The following TPO variants were observed in gnomAD, a reference collection of about 807,000 sequenced individuals.
The protein encoded by TPO is thyroid microsomal antigen.
Under a neutral mutation model 96.9 loss-of-function variants are expected in TPO, and 78 were observed. The observed-to-expected ratio is 0.81, with a 90% CI of 0.67 to 0.97. The LOEUF is 0.97. Ranked by LOEUF, TPO falls within the 50% of genes least tolerant of loss-of-function variation. TPO has a pLI of 0.00. For missense variants in TPO, 1,252 were observed against 1,274.8 expected, an observed-to-expected ratio of 0.98 and a Z score of 0.27; for synonymous variants, 547 against 538.0, an observed-to-expected ratio of 1.02 and a Z score of -0.23.
chr2:1,399,808 T>A (rs1280973784), intron 1 of TPO, among the ~76,000 whole-genome samples: 7 of 152,218 alleles, frequency 4.6e-5, no homozygotes, highest in African/African-American at 1.7e-4. Flanking sequence ...CACTCACACC[T>A]CTCTAGGAGC....
At chr2:1,528,036 ACCT>A (rs1421143781) in intron 15 of TPO, among the ~76,000 whole-genome samples, 1 of 139,544 alleles carries the variant, frequency 7.2e-6, no homozygotes, top group Non-Finnish European at 1.5e-5. Context: ...ACTATGTGCA[ACCT>A]CCTCAAATCT....
upstream of TPO, among the ~76,000 whole-genome samples, chr2:1,409,984 G>A (rs970786884): frequency 8.6e-5 from 13 of 151,190 alleles, no homozygotes; most frequent in African/African-American, 1.5e-4. Flanking sequence ...TGGTGCCATG[G>A]GGGGGACAGG....
Position 1,477,331 on chromosome 2 carries a change from C to G in TPO, c.1065C>G (p.Arg355=). The G allele has an allele frequency of 6.4e-7, 1 of 1,562,428 alleles. No individual in the cohort carries two copies. Among genetic ancestry groups the G allele is most frequent in the African/African-American group, 1.4e-5 (1 of 74,030 alleles). ...AAGGGCTGCTCCGCGTCCACGCGCG[C>G]CTCCGGGACTCCGGCCGCGCCTACC... The part of the protein sequence containing the change: ...SAEGLLRVHA[R]LRDSGRAYLP... The change falls in exon 8 of 17, where the codon CGC becomes CGG. Residue 355 remains arginine (R), a synonymous_variant. Coordinates refer to ENST00000329066, the MANE Select transcript of TPO (RefSeq NM_001206744.2).
intron 2 of TPO, among the ~76,000 whole-genome samples, chr2:1,415,551 G>A (rs1027173696): frequency 1.3e-5 from 2 of 149,066 alleles, no homozygotes; most frequent in African/African-American, 5.0e-5. Flanking sequence ...TTGCCGGGCA[G>A]GTCCCTGGGT....
chr2:1,526,320 A>C (rs1362276983), intron 15 of TPO, among the ~76,000 whole-genome samples: 3 of 70,020 alleles, frequency 4.3e-5, no homozygotes, highest in African/African-American at 6.1e-5. Flanking sequence ...CTGTGAGCAA[A>C]ACCACAAATC....
chr2:1,527,427 GCCACTGTGAGCAACCTCCTCAAATACC>G (rs957594033), intron 15 of TPO, among the ~76,000 whole-genome samples: 1 of 29,822 alleles, frequency 3.4e-5, no homozygotes, highest in African/African-American at 1.5e-4. Flanking sequence ...CAAATCCTCC[GCCACTGTGAGCAACCTCCTCAAATACC>G]CCACTGTGTG....
At chr2:1,539,783 C>T (rs1275850008) in intron 15 of TPO, among the ~76,000 whole-genome samples, 1 of 150,016 alleles carries the variant, frequency 6.7e-6, no homozygotes, top group Non-Finnish European at 1.5e-5. Context: ...GCGGGGAATG[C>T]TCAGGACCGG....
chr2:1,438,229 G>A (rs1665786402), intron 5 of TPO, among the ~76,000 whole-genome samples: 1 of 152,094 alleles, frequency 6.6e-6, no homozygotes, highest in Non-Finnish European at 1.5e-5. Flanking sequence ...GCTGCTCTCT[G>A]AATGGGTTTC....
intron 1 of TPO, among the ~76,000 whole-genome samples, chr2:1,383,822 C>T (rs1661847520): frequency 1.3e-5 from 2 of 152,106 alleles, no homozygotes; most frequent in Non-Finnish European, 1.5e-5. Context: ...AATGGTATTG[C>T]CTAGGTTTTC....
At chr2:1,493,739 T>G (rs1672039641) in intron 10 of TPO, 63 bp from the exon 11 acceptor site, 7 of 1,589,618 alleles carry the variant, frequency 4.4e-6, no homozygotes, top group Non-Finnish European at 6.0e-6. Context: ...ATGGCATGAG[T>G]GAGATGGGCT....
At chr2:1,529,860 A>G (rs1677640611) in intron 15 of TPO, among the ~76,000 whole-genome samples, 1 of 115,426 alleles carries the variant, frequency 8.7e-6, no homozygotes, top group Non-Finnish European at 1.7e-5. Context: ...ACCTCCCAAA[A>G]TTGCCCCCAC....
At chr2:1,480,776 G>GTCCACACCACCTTCCTCCTCCTT (rs1670518076) in intron 8 of TPO, among the ~76,000 whole-genome samples, 4 of 96,928 alleles carry the variant, frequency 4.1e-5, no homozygotes, top group African/African-American at 6.7e-5. Flanking sequence ...CCCTCCTCCT[G>GTCCACACCACCTTCCTCCTCCTT]CATCCGTCCA....
At chr2:1,542,089 G>A (rs1680826927) in intron 16 of TPO, 2 of 418,680 alleles carry the variant, frequency 4.8e-6, no homozygotes, top group East Asian at 9.1e-5. Context: ...GACACCAGGG[G>A]CAAGGCCAGG....
At chr2:1,399,447 C>T (rs940886377) in intron 1 of TPO, among the ~76,000 whole-genome samples, 1 of 152,182 alleles carries the variant, frequency 6.6e-6, no homozygotes, top group African/African-American at 2.4e-5. Flanking sequence ...CACATACCCA[C>T]GGTGAAGCTT....
At chr2:1,537,614 A>G (rs1680112706) in intron 15 of TPO, among the ~76,000 whole-genome samples, 1 of 93,890 alleles carries the variant, frequency 1.1e-5, no homozygotes, top group African/African-American at 4.5e-5. Flanking sequence ...AACTCCTCAA[A>G]TCACCCCGCT....
At position 1,478,446 on chromosome 2, in the gene TPO, T is replaced by C. The variant is rs184545594; in HGVS notation, c.1338+842T>C. 3.7e-4 allele frequency: 357 copies of C among 972,336 alleles called. 1 individual carries two copies. The African/African-American group carries it at 5.4e-3, about 15-fold the overall frequency. 60.2% of individuals were successfully genotyped at this position (972,336 alleles called of 1,614,324 possible). A position where few individuals can be genotyped will look rare whatever the true frequency, so the allele number is the denominator to read the frequency against. ...CTGTTCTAAAGGAGGCACTGGAGCC[T>C]TGTCCGAGGAGGCACAGGGGCTGTG... On this transcript the variant is annotated intron_variant, in intron 8 of 16. Coordinates refer to ENST00000329066, the MANE Select transcript of TPO (RefSeq NM_001206744.2).
chr2:1,429,045 G>A (rs1041866039), intron 3 of TPO, among the ~76,000 whole-genome samples: 4 of 152,098 alleles, frequency 2.6e-5, no homozygotes, highest in African/African-American at 7.2e-5. Flanking sequence ...TATAAAACAC[G>A]TGTTTTATAT....
intron 9 of TPO, among the ~76,000 whole-genome samples, chr2:1,485,219 GA>G (rs1291028330): frequency 2.6e-5 from 4 of 152,138 alleles, no homozygotes; most frequent in Non-Finnish European, 5.9e-5. Context: ...CCATGTCCCT[GA>G]AAAGGACATG....
intron 7 of TPO, among the ~76,000 whole-genome samples, chr2:1,466,675 G>C (rs1325589522): frequency 6.6e-6 from 1 of 152,150 alleles, no homozygotes; most frequent in Non-Finnish European, 1.5e-5. Flanking sequence ...GCATAAAGCT[G>C]TTCATAGTAG....
Sources: gnomAD v4.1 joint callset for allele counts (sites outside exome capture counted in the v4.1 genomes callset) on GRCh38, gnomAD v4.1.1 for gene constraint, MANE v1.5 for transcripts, NCBI Gene and HGNC (gene_info 2026-07-23, HGNC 2026-07-21) for gene names.